The following ANKRD36C variants were observed in gnomAD, a reference collection of about 807,000 sequenced individuals.
The protein encoded by ANKRD36C is ankyrin repeat domain-containing protein 36C.
ANKRD36C carries 61 observed loss-of-function variants against 276.4 expected under a neutral mutation model. The ratio of observed to expected loss-of-function variants is 0.22; its 90% CI spans 0.18 to 0.27. ANKRD36C has a LOEUF of 0.27. Ranked by LOEUF, ANKRD36C falls within the 10% of genes least tolerant of loss-of-function variation. The pLI is 1.00. For missense variants in ANKRD36C, 1,447 were observed against 2,032.3 expected, an observed-to-expected ratio of 0.71 and a Z score of 5.54; for synonymous variants, 483 against 680.1, an observed-to-expected ratio of 0.71 and a Z score of 4.51.
chr2:95,920,249 G>A (rs1677227252), intron 34 of ANKRD36C, among the ~76,000 whole-genome samples: 1 of 132,820 alleles, frequency 7.5e-6, no homozygotes, highest in African/African-American at 2.6e-5. Context: ...TCATACACGT[G>A]AGAATCAATG....
intron 30 of ANKRD36C, among the ~76,000 whole-genome samples, chr2:95,925,112 C>T (rs1012896599): frequency 4.0e-5 from 6 of 151,572 alleles, no homozygotes; most frequent in Non-Finnish European, 7.4e-5. Flanking sequence ...ATGTCTTGAA[C>T]TGTTTTCCAA....
At position 95,884,352 on chromosome 2, in the gene ANKRD36C, T is replaced by C. The variant is rs190569313; in HGVS notation, c.3180A>G (p.Gln1060=). 1,443 of 1,610,938 alleles carry C rather than the reference T, an allele frequency of 9.0e-4. 21 individuals are homozygous for C. The South Asian group carries it at 0.014, about 16-fold the overall frequency. ...AGAGTTTAATTACCTTCAAGGCTGG[T>C]TGTCTCTGAGAAGACACTGAAAAGC... Residue 1060 remains glutamine (Q), a synonymous_variant, in exon 53 of 67, where the codon CAA becomes CAG. Transcript: ENST00000456556.
intron 42 of ANKRD36C, among the ~76,000 whole-genome samples, chr2:95,902,198 A>G (rs1465425421): frequency 6.7e-6 from 1 of 149,654 alleles, no homozygotes; most frequent in Non-Finnish European, 1.5e-5. Flanking sequence ...TCAACAAAAC[A>G]TGTATCTCTG....
At chr2:95,974,351 A>G (rs1678761763) in intron 6 of ANKRD36C, among the ~76,000 whole-genome samples, 1 of 152,138 alleles carries the variant, frequency 6.6e-6, no homozygotes, top group African/African-American at 2.4e-5. Flanking sequence ...GTTTAGCATT[A>G]AAGATTAATA....
At chr2:95,908,239 T>A (rs1330349103) in intron 42 of ANKRD36C, among the ~76,000 whole-genome samples, 1 of 149,896 alleles carries the variant, frequency 6.7e-6, no homozygotes, top group Non-Finnish European at 1.5e-5. Context: ...ATTATGTTGT[T>A]CCCCAGAGCC....
chr2:95,924,107 T>C (rs561991105), intron 30 of ANKRD36C, among the ~76,000 whole-genome samples: 2 of 151,830 alleles, frequency 1.3e-5, no homozygotes, highest in South Asian at 4.1e-4. Context: ...ACATTCATCA[T>C]GCTCTTTAAC....
intron 30 of ANKRD36C, among the ~76,000 whole-genome samples, chr2:95,924,275 G>T (rs1677349822): frequency 6.6e-6 from 1 of 151,512 alleles, no homozygotes. Flanking sequence ...ACATGTGGTG[G>T]AATAATCTGC....
chr2:95,987,229 T>C, intron 1 of ANKRD36C, 23 bp from the exon 2 acceptor site: 3 of 1,517,514 alleles, frequency 2.0e-6, no homozygotes. Flanking sequence ...CAGGACTTTT[T>C]AAAACATGTA....
At chr2:95,982,451 A>G in intron 3 of ANKRD36C, 89 bp from the exon 4 acceptor site, 10 of 1,146,506 alleles carry the variant, frequency 8.7e-6, no homozygotes, top group Non-Finnish European at 1.2e-5. Context: ...GTGAGCTTCA[A>G]TATATACAAT....
At chr2:95,882,924 T>C (rs1186382389) in intron 54 of ANKRD36C, among the ~76,000 whole-genome samples, 2 of 152,184 alleles carry the variant, frequency 1.3e-5, no homozygotes, top group Non-Finnish European at 2.9e-5. Flanking sequence ...GTATTCATCA[T>C]GCTCTTTAAC....
chr2:95,985,060 G>A (rs2104542128), intron 3 of ANKRD36C, among the ~76,000 whole-genome samples: 1 of 152,254 alleles, frequency 6.6e-6, no homozygotes, highest in East Asian at 1.9e-4. Flanking sequence ...TAATAATGAT[G>A]TATTGACCTA....
intron 42 of ANKRD36C, 130 bp downstream of exon 44, chr2:95,912,114 T>C: frequency 1.5e-6 from 2 of 1,330,082 alleles, no homozygotes; most frequent in South Asian, 1.3e-5. Context: ...CAAGAACTTA[T>C]TAGAAATGAA....
intron 19 of ANKRD36C, among the ~76,000 whole-genome samples, chr2:95,943,754 A>G (rs1169891494): frequency 1.3e-5 from 2 of 151,984 alleles, no homozygotes; most frequent in Admixed American, 1.3e-4. Context: ...TGCATTATCT[A>G]TGAACACAGC....
In ANKRD36C at chr2:95,920,830, T is replaced by C. The variant is rs184458148; in HGVS notation, c.2245+777A>G. 1.6e-3 allele frequency among the ~76,000 whole-genome samples: 234 copies of C among 150,378 alleles called. 3 individuals are homozygous for C. Among genetic ancestry groups the C allele is most frequent in the Non-Finnish European group, 2.5e-3 (168 of 67,648 alleles). ...AAGAAGTTTCATGAAATAGCTATTT[T>C]ATCCAAGAGATAGCTCCTGGAACAA... On this transcript the variant is annotated intron_variant, in intron 34 of 66. Transcript: ENST00000456556.
intron 6 of ANKRD36C, among the ~76,000 whole-genome samples, chr2:95,967,005 G>A (rs941949103): frequency 3.9e-5 from 6 of 152,168 alleles, no homozygotes; most frequent in African/African-American, 1.2e-4. Context: ...CATTGACTTT[G>A]TATCCTGAGA....
intron 44 of ANKRD36C, 72 bp downstream of exon 64, chr2:95,893,461 T>C (rs936518794): frequency 5.9e-6 from 9 of 1,524,238 alleles, no homozygotes; most frequent in Non-Finnish European, 6.2e-6. Flanking sequence ...AGCCCCCCGC[T>C]GATTTATTTG....
At chr2:95,914,619 A>C (rs1434762647) in intron 38 of ANKRD36C, among the ~76,000 whole-genome samples, 2 of 151,598 alleles carry the variant, frequency 1.3e-5, no homozygotes, top group East Asian at 2.0e-4. Flanking sequence ...ATCAGAGGAG[A>C]AACTCACACA....
intron 42 of ANKRD36C, 135 bp from the exon 53 acceptor site, chr2:95,903,216 C>A (rs1228271869): frequency 1.4e-6 from 2 of 1,421,738 alleles, no homozygotes; most frequent in African/African-American, 2.9e-5. Context: ...TACTTTGTGT[C>A]TGGGGACTAG....
At chr2:95,943,881 C>T (rs746833726) in intron 19 of ANKRD36C, among the ~76,000 whole-genome samples, 2 of 151,910 alleles carry the variant, frequency 1.3e-5, no homozygotes, top group Admixed American at 6.5e-5. Context: ...TTTCAGTGTA[C>T]GTGTGATGAT....
Sources: allele counts gnomAD v4.1 joint callset (sites outside exome capture counted in the v4.1 genomes callset), GRCh38; gene constraint gnomAD v4.1.1; transcripts MANE v1.5; gene names NCBI Gene and HGNC (gene_info 2026-07-23, HGNC 2026-07-21).